Variants in MGAM observed in about 807,000 individuals in gnomAD.
MGAM encodes the protein alpha-1,4-glucosidase.
In MGAM, 253 loss-of-function variants were observed where a neutral mutation model predicts 358.8. That is an observed-to-expected ratio of 0.71 (90% confidence interval 0.64 to 0.78). The LOEUF is 0.78. MGAM is among the 30% of genes least tolerant of loss of function. MGAM has a pLI of 0.00. For synonymous variants in MGAM, 1,105 were observed against 1,227.1 expected, an observed-to-expected ratio of 0.90 and a Z score of 2.08; for missense variants, 3,080 against 3,432.6, an observed-to-expected ratio of 0.90 and a Z score of 2.57.
rs1183755376 is a variant in MGAM, at chr7:142,091,195, C to T, written c.6811-718C>T. Among the ~76,000 whole-genome samples, 2 of 140,570 alleles carry T rather than the reference C, an allele frequency of 1.4e-5. 1 individual carries two copies. The allele number at this position is 140,570 out of a possible 152,430, so 92.2% of individuals were successfully genotyped here. ...CTGGAAGGCAGAGGTTTCAGTGAGC[C>T]GAGGTAGCACCACTGCACTCTAGCC... On this transcript the variant is annotated intron_variant, in intron 57 of 70. Transcript: ENST00000475668.
At chr7:142,039,706 G>C (rs1163627063) in intron 19 of MGAM, among the ~76,000 whole-genome samples, 2 of 152,140 alleles carry the variant, frequency 1.3e-5, no homozygotes, top group Non-Finnish European at 2.9e-5. Flanking sequence ...GGCTGATCGG[G>C]ATGTGATTGT....
Position 142,021,566 on chromosome 7 carries a change from C to T in MGAM, c.559-20C>T. ...ACAAGTTTTTATTTTGGCTTTCCTTCTATTTCTATCTCTGCACAGTTGACT... is the reference window on the plus strand; with the variant it reads ...ACAAGTTTTTATTTTGGCTTTCCTTTTATTTCTATCTCTGCACAGTTGACT... On this transcript the variant is annotated intron_variant, in intron 5 of 70. Coordinates refer to ENST00000475668, the MANE Select transcript of MGAM (RefSeq NM_001365693.1). The T allele has an allele frequency of 6.2e-7, 1 of 1,609,592 alleles. No individual in the cohort carries two copies. The highest frequency in any genetic ancestry group is 1.7e-5 in the Admixed American group (1 of 59,436).
In MGAM at chr7:142,030,666, C is replaced by T. The variant is rs1807400605; in HGVS notation, c.1379C>T (p.Ser460Phe). ...IVDPAISNNS[S>F]SSKPYGPYDR... is the part of the protein sequence containing the mutation. ...GATCCAGCCATCTCCAACAACTCTT[C>T]CTCAAGTAAACCCTATGGCCCATAT... The change falls in exon 12 of 71, where the codon TCC (serine) becomes TTC (phenylalanine). Residue 460 changes from serine to phenylalanine, a missense_variant. Coordinates refer to ENST00000475668, the MANE Select transcript of MGAM (RefSeq NM_001365693.1). 1 of 1,613,048 alleles carries T rather than the reference C, an allele frequency of 6.2e-7. No individual in the cohort carries two copies. The highest frequency in any genetic ancestry group is 8.5e-7 in the Non-Finnish European group (1 of 1,179,168).
intron 7 of MGAM, among the ~76,000 whole-genome samples, chr7:142,024,797 C>G (rs1445151293): frequency 6.6e-6 from 1 of 152,148 alleles, no homozygotes; most frequent in African/African-American, 2.4e-5. Context: ...ATCCTCTTAC[C>G]TTCTAAAAAA....
At chr7:142,041,899 TATATATTATATATATAC>T (rs1808636958) in intron 21 of MGAM, among the ~76,000 whole-genome samples, 5 of 42,614 alleles carry the variant, frequency 1.2e-4, no homozygotes, top group Admixed American at 4.4e-4. Context: ...ATATATAATA[TATATATTATATATATAC>T]GTATAATATA....
chr7:141,997,785 A>G (rs1804379917), intron 1 of MGAM, among the ~76,000 whole-genome samples: 1 of 152,190 alleles, frequency 6.6e-6, no homozygotes, highest in South Asian at 2.1e-4. Flanking sequence ...GACTTGGAAG[A>G]AAAAAGCCAT....
chr7:142,041,910 TATATACGTATAA>T (rs1229590976), intron 21 of MGAM, among the ~76,000 whole-genome samples: 29,210 of 69,240 alleles, frequency 0.42, 7,663 homozygotes, highest in Admixed American at 0.48. Flanking sequence ...ATATATTATA[TATATACGTATAA>T]TATATAATAT....
chr7:142,036,315 A>T, intron 17 of MGAM, 30 bp downstream of exon 17: 2 of 1,528,730 alleles, frequency 1.3e-6, no homozygotes, highest in Non-Finnish European at 1.8e-6. Flanking sequence ...GAGTCAGAAT[A>T]AATTTGGCAT....
Position 142,074,136 on chromosome 7 carries a change from A to G in MGAM, c.5238A>G (p.Ala1746=). Residue 1746 remains alanine (A), a synonymous_variant, in exon 45 of 71, where the codon GCA becomes GCG. Coordinates refer to ENST00000475668, the MANE Select transcript of MGAM (RefSeq NM_001365693.1). ...TTGCCCTAGATGAAAACAAAGAAGC[A>G]AAAGGAGAACTTTTCTGGGATGATG... ...LIIALDENKE[A]KGELFWDDGQ... 1 of 1,546,354 alleles carries G rather than the reference A, an allele frequency of 6.5e-7. No individual in the cohort carries two copies. The highest frequency in any genetic ancestry group is 1.1e-5 in the South Asian group (1 of 88,880).
chr7:142,079,056 C>T lies in MGAM; in HGVS notation c.5847+48C>T. 1.4e-6 allele frequency: 2 copies of T among 1,441,398 alleles called. 1 individual carries two copies. The highest frequency in any genetic ancestry group is 1.9e-6 in the Non-Finnish European group (2 of 1,039,850). The allele number at this position is 1,441,398 out of a possible 1,614,324, so 89.3% of individuals were successfully genotyped here. On this transcript the variant is annotated intron_variant, in intron 49 of 70. Transcript: ENST00000475668. ...GCAGTGATAAGACCCTTTTCAGTTC[C>T]ATTATCTTTTTCTGGTTCAGGTCAC...
intron 28 of MGAM, 63 bp from the exon 29 acceptor site, chr7:142,055,937 T>G: frequency 6.6e-7 from 1 of 1,520,686 alleles, no homozygotes; most frequent in South Asian, 1.2e-5. Flanking sequence ...ACATTTTTGT[T>G]GAGTTTCTTT....
intron 33 of MGAM, 148 bp from the exon 34 acceptor site, chr7:142,060,163 T>C (rs766907441): frequency 2.6e-4 from 333 of 1,305,268 alleles, no homozygotes; most frequent in African/African-American, 3.0e-4. Flanking sequence ...TAACGTGTTA[T>C]GGAGTTCACT....
chr7:142,063,519 C>A lies in MGAM; in HGVS notation c.4278C>A (p.Ser1426Arg). The change falls in exon 36 of 71, where the codon AGC becomes AGA. Residue 1426 changes from serine (S) to arginine (R), a missense_variant. By Grantham distance (110) the Ser-to-Arg change is moderately radical (BLOSUM62 -1). Around this residue, in one of 5 missense-constraint regions of MGAM, gnomAD observed 1,816 missense variants for 1,840.5 expected, o/e 0.99. Coordinates refer to ENST00000475668, the MANE Select transcript of MGAM (RefSeq NM_001365693.1). ...GMWIDMNEPS[S>R]FVNGAVSPGC... is the part of the protein sequence containing the mutation. The stretch of plus-strand genomic sequence containing the variant: ...TCTAGGATATGAATGAACCATCAAG[C>A]TTCGTGAATGGGGCAGTTTCTCCAG... The A allele has an allele frequency of 2.5e-6, 4 of 1,613,712 alleles. No homozygotes were observed. Among genetic ancestry groups the A allele is most frequent in the Non-Finnish European group, 2.5e-6 (3 of 1,179,786 alleles).
chr7:142,053,632 G>A (rs773824504), intron 26 of MGAM, among the ~76,000 whole-genome samples: 2 of 152,088 alleles, frequency 1.3e-5, no homozygotes, highest in Non-Finnish European at 2.9e-5. Context: ...ATTAAACTAA[G>A]CTTCTCAAGG....
At chr7:142,065,490 G>A (rs1487845264) in intron 38 of MGAM, 22 bp downstream of exon 38, 2 of 1,613,590 alleles carry the variant, frequency 1.2e-6, no homozygotes, top group Non-Finnish European at 8.5e-7. Context: ...CTTCCCCAGG[G>A]CCTTTGCCGA....
intron 24 of MGAM, among the ~76,000 whole-genome samples, chr7:142,051,830 C>A (rs184201796): frequency 1.1e-4 from 16 of 152,116 alleles, no homozygotes; most frequent in Non-Finnish European, 2.4e-4. Context: ...AAAAAGAAAT[C>A]ATTTGTCCAA....
chr7:142,070,230 T>C (rs1370568265), intron 43 of MGAM, among the ~76,000 whole-genome samples: 1 of 144,382 alleles, frequency 6.9e-6, no homozygotes, highest in South Asian at 2.2e-4. Context: ...AAATTTTTAA[T>C]GTTTAATTAA....
intron 15 of MGAM, 95 bp from the exon 16 acceptor site, chr7:142,034,575 A>C (rs1807812666): frequency 1.7e-6 from 2 of 1,179,542 alleles, no homozygotes. Flanking sequence ...AGAATGGGTT[A>C]TTCACTTTTA....
intron 36 of MGAM, 121 bp downstream of exon 36, chr7:142,063,707 T>C (rs1812455824): frequency 1.7e-6 from 2 of 1,180,208 alleles, no homozygotes; most frequent in African/African-American, 1.5e-5. Context: ...TGTGGTTTAC[T>C]GGGGACCAGA....
Sources: gnomAD v4.1 joint callset for allele counts (sites outside exome capture counted in the v4.1 genomes callset) on GRCh38, gnomAD v4.1.1 for gene constraint, gnomAD v4.1.1 regional missense constraint, MANE v1.5 for transcripts, NCBI Gene and HGNC (gene_info 2026-07-23, HGNC 2026-07-21) for gene names.